TBL1XR1: variants seen among roughly 807,000 people sequenced by gnomAD.
The protein encoded by TBL1XR1 is F-box-like/WD repeat-containing protein TBL1XR1.
A neutral mutation model predicts 66.9 loss-of-function variants in TBL1XR1; 5 were observed. That is an observed-to-expected ratio of 0.07 (90% confidence interval 0.04 to 0.16). The LOEUF is 0.16. Among genes scored for constraint, TBL1XR1 ranks in the 10% least tolerant of loss-of-function variants. The probability of loss-of-function intolerance (pLI) is 1.00; values close to 1 mark genes in which losing one functional copy is unlikely to be tolerated. For synonymous variants in TBL1XR1, 210 were observed against 206.0 expected (o/e 1.02, Z -0.17); for missense variants, 238 against 623.2 (o/e 0.38, Z 6.58).
chr3:177,085,074 A>G (rs1721955787), intron 2 of TBL1XR1, among the ~76,000 whole-genome samples: 1 of 152,216 alleles, frequency 6.6e-6, no homozygotes, highest in South Asian at 2.1e-4. Context: ...ATCGAAACTA[A>G]ATCAGAAAAA....
intron 15 of TBL1XR1, 52 bp downstream of exon 15, chr3:177,026,321 C>A: frequency 7.3e-7 from 1 of 1,377,550 alleles, no homozygotes; most frequent in Non-Finnish European, 1.0e-6. Context: ...AAGCTGCATT[C>A]TGATGTGAAT....
intron 2 of TBL1XR1, among the ~76,000 whole-genome samples, chr3:177,069,426 T>C (rs561349818): frequency 1.3e-5 from 2 of 151,840 alleles, no homozygotes; most frequent in African/African-American, 4.8e-5. Context: ...CACCAACATA[T>C]AAAGACATAA....
At chr3:177,106,888 T>C (rs1470959664) in intron 1 of TBL1XR1, among the ~76,000 whole-genome samples, 2 of 150,994 alleles carry the variant, frequency 1.3e-5, no homozygotes, top group Non-Finnish European at 2.9e-5. Flanking sequence ...TTATGTCTTT[T>C]AGTGAATTAA....
chr3:177,077,172 G>C (rs926908962), intron 2 of TBL1XR1, among the ~76,000 whole-genome samples: 3 of 152,124 alleles, frequency 2.0e-5, no homozygotes, highest in African/African-American at 4.8e-5. Context: ...CCTTACAACA[G>C]TACTTTCGCT....
chr3:177,180,192 G>T (rs913541763), intron 1 of TBL1XR1, among the ~76,000 whole-genome samples: 1 of 136,802 alleles, frequency 7.3e-6, no homozygotes, highest in Non-Finnish European at 1.5e-5. Flanking sequence ...AGCTGAGATC[G>T]TGTCACTGCA....
chr3:177,142,853 T>C (rs2108824560), intron 1 of TBL1XR1, among the ~76,000 whole-genome samples: 1 of 152,206 alleles, frequency 6.6e-6, no homozygotes, highest in East Asian at 1.9e-4. Flanking sequence ...CAATCATATG[T>C]GGACATGCAC....
intron 15 of TBL1XR1, 28 bp from the exon 16 acceptor site, chr3:177,025,552 T>A (rs1479351734): frequency 6.2e-7 from 1 of 1,606,830 alleles, no homozygotes; most frequent in Admixed American, 1.7e-5. Flanking sequence ...AATCAACCAG[T>A]GTATTCAGAA....
At chr3:177,195,021 T>C (rs1449897585) in intron 1 of TBL1XR1, among the ~76,000 whole-genome samples, 1 of 152,182 alleles carries the variant, frequency 6.6e-6, no homozygotes, top group Non-Finnish European at 1.5e-5. Flanking sequence ...TGTCACTTTA[T>C]TAAGTTCCTT....
At chr3:177,104,541 C>G (rs1395962142) in intron 1 of TBL1XR1, among the ~76,000 whole-genome samples, 1 of 152,164 alleles carries the variant, frequency 6.6e-6, no homozygotes, top group Non-Finnish European at 1.5e-5. Flanking sequence ...GCTATAACAG[C>G]AGGGATATCT....
intron 1 of TBL1XR1, among the ~76,000 whole-genome samples, chr3:177,142,467 G>A (rs536780758): frequency 6.6e-6 from 1 of 152,274 alleles, no homozygotes; most frequent in African/African-American, 2.4e-5. Context: ...CCATGGCAAT[G>A]ATAAACTAAC....
rs1712735288 is a variant in TBL1XR1 at position 177,024,012 on chromosome 3, T to G, written c.*1486A>C. 1 of 152,000 alleles carries G rather than the reference T, an allele frequency of 6.6e-6. No individual in the cohort carries two copies. Among genetic ancestry groups the G allele is most frequent in the African/African-American group, 2.4e-5 (1 of 41,426 alleles). 9.4% of individuals were successfully genotyped at this position (152,000 alleles called of 1,614,324 possible). A position where few individuals can be genotyped will look rare whatever the true frequency, so the allele number is the denominator to read the frequency against. On this transcript the variant is annotated 3_prime_UTR_variant, in exon 16 of 16. Coordinates refer to ENST00000457928, the MANE Select transcript of TBL1XR1 (RefSeq NM_024665.7). ...ATTTGTCTGTATATGTTACTCTAAG[T>G]TGCATGAGCACAAGGTTTAATATCT...
At chr3:177,117,053 T>C (rs1468434771) in intron 1 of TBL1XR1, among the ~76,000 whole-genome samples, 1 of 152,080 alleles carries the variant, frequency 6.6e-6, no homozygotes, top group South Asian at 2.1e-4. Context: ...ATTCCGAAAA[T>C]GGGGTAACGA....
chr3:177,085,806 G>T (rs1442841459), intron 2 of TBL1XR1, among the ~76,000 whole-genome samples: 1 of 152,056 alleles, frequency 6.6e-6, no homozygotes, highest in Non-Finnish European at 1.5e-5. Context: ...CTGTCATCAA[G>T]GTGCTTTCAA....
At chr3:177,074,286 C>T (rs897157138) in intron 2 of TBL1XR1, among the ~76,000 whole-genome samples, 4 of 152,188 alleles carry the variant, frequency 2.6e-5, no homozygotes, top group African/African-American at 4.8e-5. Flanking sequence ...AACTAGTCTA[C>T]ACTCACACTG....
At position 177,019,492 on chromosome 3, in the gene TBL1XR1, A is replaced by G. The variant is rs1262837401; in HGVS notation, c.*6006T>C. ...AAGATGACATTTAAGAAGCATGCAG[A>G]AAAAGTAGCATAGGGTTAACATTTC... is the stretch of plus-strand genomic sequence containing the variant. On this transcript the variant is annotated 3_prime_UTR_variant, in exon 16 of 16. Transcript: ENST00000457928. The G allele has an allele frequency of 6.6e-6, 1 of 152,234 alleles. No individual in the cohort carries two copies. The highest frequency in any genetic ancestry group is 1.5e-5 in the Non-Finnish European group (1 of 68,038). 9.4% of individuals were successfully genotyped at this position (152,234 alleles called of 1,614,324 possible).
chr3:177,189,232 T>C (rs1735813576), intron 1 of TBL1XR1, among the ~76,000 whole-genome samples: 1 of 151,360 alleles, frequency 6.6e-6, no homozygotes, highest in African/African-American at 2.4e-5. Flanking sequence ...AAATAACAAT[T>C]TCAGGCCAGG....
chr3:177,030,278 TTCATATTATGAA>T (rs1713785829), intron 14 of TBL1XR1, among the ~76,000 whole-genome samples: 4 of 151,724 alleles, frequency 2.6e-5, no homozygotes, highest in Admixed American at 6.6e-5. Context: ...AATTAATATA[TTCATATTATGAA>T]TATATTATTA....
At chr3:177,105,246 C>T (rs1344335145) in intron 1 of TBL1XR1, among the ~76,000 whole-genome samples, 2 of 152,048 alleles carry the variant, frequency 1.3e-5, no homozygotes, top group Non-Finnish European at 2.9e-5. Flanking sequence ...ACTTACAGTG[C>T]CTTTGAAATA....
rs183066008 is a variant in TBL1XR1 at position 177,150,255 on chromosome 3, G to C, written c.-122+46866C>G. On this transcript the variant is annotated intron_variant, in intron 1 of 15. Coordinates refer to ENST00000457928, the MANE Select transcript of TBL1XR1 (RefSeq NM_024665.7). Reference sequence around the variant, plus strand: ...TTTTTAAATTAACAAACTGGCCTTAGAGAGACATATGGAATGGTATTCAAG... The same window carrying C: ...TTTTTAAATTAACAAACTGGCCTTACAGAGACATATGGAATGGTATTCAAG... Among the ~76,000 whole-genome samples, 18 of 152,282 alleles carry C rather than the reference G, an allele frequency of 1.2e-4. No homozygotes were observed. The East Asian group carries it at 2.7e-3, about 23-fold the overall frequency.
Sources: allele counts gnomAD v4.1 joint callset (sites outside exome capture counted in the v4.1 genomes callset), GRCh38; gene constraint gnomAD v4.1.1; transcripts MANE v1.5; gene names NCBI Gene and HGNC (gene_info 2026-07-23, HGNC 2026-07-21).